The following BDP1 variants were observed in gnomAD, a reference collection of about 807,000 sequenced individuals.
BDP1 encodes BDP1 general transcription factor IIIB subunit, also known as transcription factor TFIIIB component B'' homolog.
BDP1 carries 169 observed loss-of-function variants against 266.6 expected under a neutral mutation model. The observed-to-expected ratio is 0.63, with a 90% CI of 0.56 to 0.72. The LOEUF (loss-of-function observed/expected upper bound fraction) is 0.72, where lower values mean the gene tolerates loss of function less well. Among genes scored for constraint, BDP1 ranks in the 30% least tolerant of loss-of-function variants. The pLI, the probability that BDP1 is intolerant of heterozygous loss-of-function variation, is 0.00. For missense variants in BDP1, 3,015 were observed against 3,053.8 expected, an observed-to-expected ratio of 0.99 and a Z score of 0.30; for synonymous variants, 1,090 against 1,022.4, an observed-to-expected ratio of 1.07 and a Z score of -1.26.
chr5:71,480,270 C>A (rs1447919358), intron 7 of BDP1, among the ~76,000 whole-genome samples: 1 of 145,568 alleles, frequency 6.9e-6, no homozygotes, highest in South Asian at 2.3e-4. Context: ...ACCACCATGC[C>A]CAGCTAATTT....
At chr5:71,545,337 C>T in intron 32 of BDP1, 118 bp downstream of exon 32, 2 of 1,024,550 alleles carry the variant, frequency 2.0e-6, no homozygotes, top group Non-Finnish European at 2.8e-6. Context: ...TTCTTTATTT[C>T]TTCTTTTTTT....
chr5:71,479,480 A>G, intron 7 of BDP1, among the ~76,000 whole-genome samples: 1 of 152,044 alleles, frequency 6.6e-6, no homozygotes, highest in South Asian at 2.1e-4. Context: ...TAATATCTAG[A>G]TCATATTGGA....
rs1235548933 is a variant in BDP1 at position 71,524,240 on chromosome 5, G to T, written c.5689G>T (p.Val1897Leu). Residue 1897 changes from valine (V) to leucine (L), a missense_variant, in exon 25 of 39, where the codon GTA becomes TTA. Transcript: ENST00000358731. ...EESYHLAPEE[V>L]NKAPVFVPVG... ...AAGCTATCATCTTGCTCCCGAAGAA[G>T]TAAACAAAGCTCCAGTATTTGTACC... The T allele has an allele frequency of 6.2e-7, 1 of 1,614,182 alleles. No individual in the cohort carries two copies. The highest frequency in any genetic ancestry group is 1.6e-4 in the Middle Eastern group (1 of 6,062).
chr5:71,565,946 TCA>T lies in BDP1; in HGVS notation c.*1062_*1063del, dbSNP rs1438088844. The T allele has an allele frequency of 5.5e-6, 1 of 182,396 alleles. No individual in the cohort carries two copies. The highest frequency in any genetic ancestry group is 1.7e-3 in the Middle Eastern group (1 of 582). The allele number at this position is 182,396 out of a possible 1,614,324, so 11.3% of individuals were successfully genotyped here. On this transcript the variant is annotated 3_prime_UTR_variant, in exon 39 of 39. Transcript: ENST00000358731. ...TTAAATTTTTTATTTAAAAGGATAT[TCA>T]GTTTTAGCTATTTTTACCCCTCAGA... is the stretch of plus-strand genomic sequence containing the variant.
intron 13 of BDP1, among the ~76,000 whole-genome samples, chr5:71,501,304 T>G (rs1424679336): frequency 2.6e-5 from 4 of 152,096 alleles, no homozygotes; most frequent in African/African-American, 9.7e-5. Flanking sequence ...GCCTCCCAAG[T>G]AACTGGGACT....
At chr5:71,480,414 G>A (rs1405233096) in intron 7 of BDP1, among the ~76,000 whole-genome samples, 1 of 150,534 alleles carries the variant, frequency 6.6e-6, no homozygotes, top group Non-Finnish European at 1.5e-5. Flanking sequence ...GATTACAGAC[G>A]TGAGCCACCG....
intron 12 of BDP1, among the ~76,000 whole-genome samples, chr5:71,496,438 A>C (rs1182658753): frequency 7.2e-6 from 1 of 138,650 alleles, no homozygotes; most frequent in South Asian, 2.3e-4. Flanking sequence ...ACATTTATGA[A>C]TTTTTTTTTT....
intron 22 of BDP1, among the ~76,000 whole-genome samples, chr5:71,518,127 A>C (rs1478925370): frequency 1.3e-5 from 2 of 152,206 alleles, no homozygotes; most frequent in Non-Finnish European, 2.9e-5. Context: ...TCTTATTATT[A>C]AAGCAAGATG....
At chr5:71,505,381 T>C (rs1283542958) in intron 16 of BDP1, among the ~76,000 whole-genome samples, 1 of 152,234 alleles carries the variant, frequency 6.6e-6, no homozygotes, top group African/African-American at 2.4e-5. Context: ...TTTTAAAATA[T>C]TTGTTTCTTT....
At chr5:71,545,018 G>A in intron 31 of BDP1, 21 bp from the exon 32 acceptor site, 1 of 1,609,462 alleles carries the variant, frequency 6.2e-7, no homozygotes, top group South Asian at 1.1e-5. Context: ...CAAATGACAT[G>A]CATGCTAAAC....
At chr5:71,525,522 G>A (rs1365310700) in intron 25 of BDP1, among the ~76,000 whole-genome samples, 2 of 135,114 alleles carry the variant, frequency 1.5e-5, no homozygotes, top group African/African-American at 2.8e-5. Flanking sequence ...CGGACGGGGC[G>A]GCTGGCCGGG....
In BDP1 at chr5:71,527,614, C is replaced by A. The variant is rs945134347; in HGVS notation, c.5772+3291C>A. The stretch of plus-strand genomic sequence containing the variant: ...CAGAGTGTTCTTCATTTTCGAGGTT[C>A]AATAATATTCCATTGTGTGTGTGTA... On this transcript the variant is annotated intron_variant, in intron 25 of 38. Transcript: ENST00000358731. Among the ~76,000 whole-genome samples the A allele has an allele frequency of 2.0e-5, 3 of 152,200 alleles. No homozygotes were observed. In the East Asian group the frequency reaches 5.8e-4, roughly 29 times the overall value.
intron 25 of BDP1, among the ~76,000 whole-genome samples, chr5:71,526,316 CTT>C (rs35458822): frequency 6.8e-6 from 1 of 147,686 alleles, no homozygotes. Flanking sequence ...AAGGGACATA[CTT>C]TTTTTTTTTT....
chr5:71,495,141 G>C (rs989094553), intron 11 of BDP1, 109 bp from the exon 12 acceptor site: 3 of 586,942 alleles, frequency 5.1e-6, no homozygotes, highest in African/African-American at 3.8e-5. Context: ...ATAATGTGAA[G>C]CAGCATCTTG....
In BDP1 at chr5:71,497,341, C is replaced by T. The variant is rs1763958217; in HGVS notation, c.1871C>T (p.Ser624Leu). 3.7e-6 allele frequency: 6 copies of T among 1,613,732 alleles called. No homozygotes were observed. In the East Asian group the frequency reaches 1.3e-4, roughly 36 times the overall value. ...TTCCAAAGACCTAAACCCAATTTGT[C>T]AAGGGCTGGGAAGAAATCAGTTCTT... Reference protein sequence around the residue: ...GRFQRPKPNLSRAGKKSVLSQ... With the variant: ...GRFQRPKPNLLRAGKKSVLSQ... The change falls in exon 13 of 39, where the codon TCA becomes TTA. Residue 624 changes from serine to leucine, a missense_variant. Ser to Leu is a moderately radical substitution (Grantham distance 145). Transcript: ENST00000358731.
chr5:71,518,641 A>G (rs1765340737), intron 22 of BDP1, among the ~76,000 whole-genome samples: 1 of 151,922 alleles, frequency 6.6e-6, no homozygotes, highest in Non-Finnish European at 1.5e-5. Context: ...TTTTGTAGAG[A>G]TGGGGTTTCA....
At chr5:71,551,408 C>G (rs1742746349) in intron 34 of BDP1, among the ~76,000 whole-genome samples, 1 of 152,186 alleles carries the variant, frequency 6.6e-6, no homozygotes, top group Admixed American at 6.5e-5. Context: ...GCACATGTTT[C>G]AGAGAGCACA....
Position 71,566,684 on chromosome 5 carries a change from G to C in BDP1, c.*1799G>C, listed in dbSNP as rs1477058891. On this transcript the variant is annotated 3_prime_UTR_variant, in exon 39 of 39. Coordinates refer to ENST00000358731, the MANE Select transcript of BDP1 (RefSeq NM_018429.3). ...TGAATGAAGGACTGTGGCTGGATTGGCCTTTTAGTTTGACCCCCTACATTA... is the reference window on the plus strand; with the variant it reads ...TGAATGAAGGACTGTGGCTGGATTGCCCTTTTAGTTTGACCCCCTACATTA... 2 of 152,128 alleles carry C rather than the reference G, an allele frequency of 1.3e-5. No homozygotes were observed. Among genetic ancestry groups the C allele is most frequent in the East Asian group, 3.8e-4 (2 of 5,198 alleles). 9.4% of individuals were successfully genotyped at this position (152,128 alleles called of 1,614,324 possible).
Position 71,562,290 on chromosome 5 carries a change from C to T in BDP1, c.7513C>T (p.Leu2505=). 2 of 1,604,852 alleles carry T rather than the reference C, an allele frequency of 1.2e-6. No individual in the cohort carries two copies. Among genetic ancestry groups the T allele is most frequent in the Non-Finnish European group, 1.7e-6 (2 of 1,176,784 alleles). ...ASLSRPGRRP[L]GFLSLICSKN... ...TATTTCTAGACCTGGCAGAAGACCC[C>T]TGGGATTTTTATCTTTAATATGCTC... Residue 2505 remains leucine, a synonymous_variant, in exon 38 of 39, where the codon CTG becomes TTG. Coordinates refer to ENST00000358731, the MANE Select transcript of BDP1 (RefSeq NM_018429.3).
Sources: gnomAD v4.1 joint callset for allele counts (sites outside exome capture counted in the v4.1 genomes callset) on GRCh38, gnomAD v4.1.1 for gene constraint, MANE v1.5 for transcripts, NCBI Gene and HGNC (gene_info 2026-07-23, HGNC 2026-07-21) for gene names.